Variants in PCDH17 observed in about 807,000 individuals in gnomAD.
PCDH17 encodes protocadherin 17.
A neutral mutation model predicts 67.7 loss-of-function variants in PCDH17; 21 were observed. The ratio of observed to expected loss-of-function variants is 0.31; its 90% CI spans 0.22 to 0.45. The LOEUF (loss-of-function observed/expected upper bound fraction) is 0.45, where lower values mean the gene tolerates loss of function less well. Ranked by LOEUF, PCDH17 falls within the 20% of genes least tolerant of loss-of-function variation. The pLI, the probability that PCDH17 is intolerant of heterozygous loss-of-function variation, is 1.00. For missense variants in PCDH17, 1,471 were observed against 1,564.8 expected, an observed-to-expected ratio of 0.94 and a Z score of 1.01; for synonymous variants, 701 against 656.7, an observed-to-expected ratio of 1.07 and a Z score of -1.03.
intron 3 of PCDH17, among the ~76,000 whole-genome samples, chr13:57,688,552 CAT>C (rs773487291): frequency 2.0e-5 from 3 of 151,944 alleles, no homozygotes; most frequent in African/African-American, 4.8e-5. Flanking sequence ...TGTGTGTGCA[CAT>C]GTTTGTTTTC....
At chr13:57,716,552 C>G (rs1478247492) in intron 3 of PCDH17, among the ~76,000 whole-genome samples, 1 of 151,884 alleles carries the variant, frequency 6.6e-6, no homozygotes, top group Non-Finnish European at 1.5e-5. Context: ...ACAGATCAAG[C>G]ACCACCTCTT....
At chr13:57,649,474 C>T (rs1955009220) in intron 1 of PCDH17, among the ~76,000 whole-genome samples, 1 of 152,112 alleles carries the variant, frequency 6.6e-6, no homozygotes, top group Admixed American at 6.5e-5. Context: ...GCTCAGATCC[C>T]TTGTACTTCT....
chr13:57,699,443 A>G (rs999100894), intron 3 of PCDH17, among the ~76,000 whole-genome samples: 3 of 152,040 alleles, frequency 2.0e-5, no homozygotes, highest in African/African-American at 4.8e-5. Flanking sequence ...AAATTTGCAC[A>G]TTACGTTTCT....
At chr13:57,692,919 T>G (rs1955572072) in intron 3 of PCDH17, among the ~76,000 whole-genome samples, 1 of 151,136 alleles carries the variant, frequency 6.6e-6, no homozygotes, top group Non-Finnish European at 1.5e-5. Flanking sequence ...TGAACTTGTT[T>G]TAGAATTAAG....
chr13:57,701,267 CGTTT>C (rs200060600), intron 3 of PCDH17, among the ~76,000 whole-genome samples: 146 of 152,122 alleles, frequency 9.6e-4, no homozygotes, highest in Non-Finnish European at 1.7e-3. Context: ...GTATCTCCCC[CGTTT>C]GTTTGTTTGT....
At chr13:57,685,120 A>C (rs1955493713) in intron 3 of PCDH17, among the ~76,000 whole-genome samples, 1 of 151,956 alleles carries the variant, frequency 6.6e-6, no homozygotes, top group Non-Finnish European at 1.5e-5. Flanking sequence ...TTCTTATTAA[A>C]ATCTTCAAAG....
chr13:57,680,847 AT>A (rs1168062829), intron 3 of PCDH17, among the ~76,000 whole-genome samples: 2 of 151,658 alleles, frequency 1.3e-5, no homozygotes, highest in Non-Finnish European at 3.0e-5. Context: ...CCCAAAGTTG[AT>A]TTTTCCCACT....
intron 3 of PCDH17, among the ~76,000 whole-genome samples, chr13:57,698,463 A>G (rs1484994721): frequency 2.0e-5 from 3 of 151,868 alleles, no homozygotes; most frequent in Admixed American, 6.6e-5. Context: ...GGGGTTGAGA[A>G]AAATCATGCT....
chr13:57,718,408 C>G (rs551021154), intron 3 of PCDH17, among the ~76,000 whole-genome samples: 1 of 151,884 alleles, frequency 6.6e-6, no homozygotes, highest in South Asian at 2.1e-4. Flanking sequence ...AATTTTTACT[C>G]CTTTTAGTCA....
chr13:57,640,612 G>A lies in PCDH17; in HGVS notation c.2565+5501G>A, dbSNP rs377434809. Among the ~76,000 whole-genome samples, 17 of 152,088 alleles carry A rather than the reference G, an allele frequency of 1.1e-4. No homozygotes were observed. The East Asian group carries it at 3.1e-3, about 28-fold the overall frequency. ...AAAATAGAGCTAGTGACCCTAGAGC[G>A]GGGGGACTTAACACGTGGCCTTCAG... On this transcript the variant is annotated intron_variant, in intron 1 of 3. Transcript: ENST00000377918.
At chr13:57,700,294 C>T (rs1406868600) in intron 3 of PCDH17, among the ~76,000 whole-genome samples, 3 of 151,386 alleles carry the variant, frequency 2.0e-5, no homozygotes, top group South Asian at 2.1e-4. Flanking sequence ...TATAAACTAT[C>T]GCACATAATT....
chr13:57,663,675 C>G (rs756668180), intron 1 of PCDH17, among the ~76,000 whole-genome samples: 1 of 152,170 alleles, frequency 6.6e-6, no homozygotes, highest in Non-Finnish European at 1.5e-5. Flanking sequence ...TTCCTATCTA[C>G]TTTAATCAAT....
At chr13:57,688,484 G>C (rs767052475) in intron 3 of PCDH17, among the ~76,000 whole-genome samples, 9 of 151,836 alleles carry the variant, frequency 5.9e-5, no homozygotes, top group Non-Finnish European at 1.2e-4. Context: ...AAGATTAATG[G>C]CTATTTTCAT....
intron 3 of PCDH17, among the ~76,000 whole-genome samples, chr13:57,672,018 C>T (rs1955328450): frequency 6.6e-6 from 1 of 151,968 alleles, no homozygotes; most frequent in Non-Finnish European, 1.5e-5. Context: ...CTTCCTTCTC[C>T]TGCCTCTACT....
chr13:57,704,796 A>G (rs1296058978), intron 3 of PCDH17, among the ~76,000 whole-genome samples: 1 of 152,122 alleles, frequency 6.6e-6, no homozygotes, highest in East Asian at 1.9e-4. Context: ...TACTCTTGTC[A>G]GTTTTCACAC....
In PCDH17 at chr13:57,634,009, G is replaced by A; in HGVS notation, c.1463G>A (p.Gly488Glu). The change falls in exon 1 of 4, where the codon GGA (glycine) becomes GAA (glutamate). Residue 488 changes from glycine (G) to glutamate (E), a missense_variant. Gly to Glu is a moderately conservative substitution (Grantham distance 98, BLOSUM62 -2). This residue lies in a region of PCDH17 where 1,163 missense variants were observed against 1,230.0 expected (regional missense o/e 0.95). Coordinates refer to ENST00000377918, the MANE Select transcript of PCDH17 (RefSeq NM_001040429.3). The surrounding 1 kb of genome is among the most constrained non-coding windows in gnomAD (Gnocchi z 7.8). ...CAGGTGCACGAGAACAACATCCCGGGAGAGTACCTGGGCTCTGTGCTCGCC... is the reference window on the plus strand; with the variant it reads ...CAGGTGCACGAGAACAACATCCCGGAAGAGTACCTGGGCTCTGTGCTCGCC... ...VLQVHENNIP[G>E]EYLGSVLAQD... The A allele has an allele frequency of 6.2e-7, 1 of 1,613,560 alleles. No individual in the cohort carries two copies.
rs981807434 is a variant in PCDH17, at chr13:57,632,462, G to A, written c.-85G>A. The A allele has an allele frequency of 8.6e-6, 12 of 1,399,680 alleles. No individual in the cohort carries two copies. In the African/African-American group the frequency reaches 1.5e-4, roughly 17 times the overall value. 86.7% of individuals were successfully genotyped at this position (1,399,680 alleles called of 1,614,324 possible). On this transcript the variant is annotated 5_prime_UTR_variant, in exon 1 of 4. Transcript: ENST00000377918. ...CTTGTGGCTCGCGTCGCGCGCGCAC[G>A]CTGCGCCAGGGCCCCAGGCTGGCGC...
chr13:57,671,348 G>A (rs1432848110), intron 3 of PCDH17, among the ~76,000 whole-genome samples: 1 of 151,392 alleles, frequency 6.6e-6, no homozygotes, highest in African/African-American at 2.4e-5. Context: ...TATTTTGGAA[G>A]AAGATAAACT....
At chr13:57,666,555 C>T in intron 2 of PCDH17, 29 bp downstream of exon 2, 1 of 1,611,138 alleles carries the variant, frequency 6.2e-7, no homozygotes, top group Non-Finnish European at 8.5e-7. Context: ...CTTTTCTCAG[C>T]TTCCCCATTT....
Sources: gnomAD v4.1 joint callset for allele counts (sites outside exome capture counted in the v4.1 genomes callset) on GRCh38, gnomAD v4.1.1 for gene constraint, gnomAD v4.1.1 regional missense constraint, Gnocchi (gnomAD v3.1) non-coding constraint, MANE v1.5 for transcripts, NCBI Gene and HGNC (gene_info 2026-07-23, HGNC 2026-07-21) for gene names.